GKAP1: variants seen among roughly 807,000 people sequenced by gnomAD.
The protein encoded by GKAP1 is G kinase anchoring protein 1.
GKAP1 carries 31 observed loss-of-function variants against 56.7 expected under a neutral mutation model. The ratio of observed to expected loss-of-function variants is 0.55; its 90% confidence interval spans 0.41 to 0.74. GKAP1 has a LOEUF of 0.74. Among genes scored for constraint, GKAP1 ranks in the 30% least tolerant of loss-of-function variants. GKAP1 has a pLI of 0.00. For synonymous variants in GKAP1, 151 were observed against 138.6 expected, an observed-to-expected ratio of 1.09 and a Z score of -0.63; for missense variants, 364 against 402.3, an observed-to-expected ratio of 0.90 and a Z score of 0.82.
intron 8 of GKAP1, among the ~76,000 whole-genome samples, chr9:83,759,963 A>AAGTTCCTCT (rs1398898508): frequency 6.6e-6 from 1 of 152,216 alleles, no homozygotes; most frequent in African/African-American, 2.4e-5. Flanking sequence ...TTTCAAATTT[A>AAGTTCCTCT]TATTACATTC....
intron 2 of GKAP1, among the ~76,000 whole-genome samples, chr9:83,808,182 G>A (rs1050618818): frequency 3.3e-5 from 5 of 152,152 alleles, no homozygotes; most frequent in Non-Finnish European, 7.3e-5. Context: ...TTTTCTACAA[G>A]CATGAGAACG....
At position 83,788,582 on chromosome 9, in the gene GKAP1, T is replaced by C. The variant is rs1564206084; in HGVS notation, c.438+19A>G. On this transcript the variant is annotated intron_variant, in intron 5 of 12. Transcript: ENST00000376371. The stretch of plus-strand genomic sequence containing the variant: ...CACTTAAACTTCTAAAATATCTAAA[T>C]CAGTAAGTATGTAAATACCTTTTTG... The C allele has an allele frequency of 3.0e-6, 4 of 1,355,722 alleles. No homozygotes were observed. Among genetic ancestry groups the C allele is most frequent in the Non-Finnish European group, 4.1e-6 (4 of 969,734 alleles). The allele number at this position is 1,355,722 out of a possible 1,614,324, so 84.0% of individuals were successfully genotyped here.
chr9:83,771,444 A>G (rs956605941), intron 7 of GKAP1, among the ~76,000 whole-genome samples: 5 of 152,212 alleles, frequency 3.3e-5, no homozygotes, highest in African/African-American at 1.2e-4. Context: ...CCAAGGTTCA[A>G]TAATTATTCA....
At chr9:83,811,389 C>T (rs1311345544) in intron 2 of GKAP1, among the ~76,000 whole-genome samples, 1 of 152,126 alleles carries the variant, frequency 6.6e-6, no homozygotes, top group Non-Finnish European at 1.5e-5. Context: ...ACCTATCTAC[C>T]AGAAACCCAA....
intron 2 of GKAP1, among the ~76,000 whole-genome samples, chr9:83,814,288 T>C (rs967613335): frequency 3.9e-5 from 6 of 152,202 alleles, no homozygotes; most frequent in African/African-American, 1.4e-4. Flanking sequence ...CAACTTGAAA[T>C]TTCTTGAACA....
chr9:83,816,735 T>G (rs1944607389), intron 2 of GKAP1, among the ~76,000 whole-genome samples: 1 of 152,234 alleles, frequency 6.6e-6, no homozygotes, highest in South Asian at 2.1e-4. Context: ...TCATTAGTTC[T>G]TCTAATGAAA....
chr9:83,770,562 C>T (rs547771788), intron 7 of GKAP1, among the ~76,000 whole-genome samples: 3 of 145,584 alleles, frequency 2.1e-5, no homozygotes, highest in South Asian at 4.4e-4. Context: ...GTTTACACTG[C>T]TTTTTTTTTT....
At chr9:83,785,128 T>G (rs1944042741) in intron 5 of GKAP1, among the ~76,000 whole-genome samples, 1 of 152,144 alleles carries the variant, frequency 6.6e-6, no homozygotes, top group Admixed American at 6.6e-5. Context: ...AATCAGCAAT[T>G]TCCTGCCTCA....
At chr9:83,786,408 G>A (rs1944064046) in intron 5 of GKAP1, among the ~76,000 whole-genome samples, 2 of 152,072 alleles carry the variant, frequency 1.3e-5, no homozygotes, top group African/African-American at 4.8e-5. Flanking sequence ...CAGGGTGGTG[G>A]CACATGCCTG....
At chr9:83,753,151 T>A (rs1029355826) in intron 9 of GKAP1, 107 bp downstream of exon 9, 1 of 640,838 alleles carries the variant, frequency 1.6e-6, no homozygotes, top group South Asian at 2.0e-5. Context: ...AAAAACAGAA[T>A]GACTATTCCC....
chr9:83,806,558 T>C lies in GKAP1; in HGVS notation c.-41A>G. 1 of 1,566,338 alleles carries C rather than the reference T, an allele frequency of 6.4e-7. No homozygotes were observed. Among genetic ancestry groups the C allele is most frequent in the African/African-American group, 1.4e-5 (1 of 73,562 alleles). ...TTTAAAATACTTCTGTCAAGAATAA[T>C]TTCTGTGGGGAGGCAGAAGAGTAGG... is the stretch of plus-strand genomic sequence containing the variant. On this transcript the variant is annotated splice_region_variant and 5_prime_UTR_variant, in exon 3 of 13. Transcript: ENST00000376371.
chr9:83,769,019 G>A (rs777817049), intron 7 of GKAP1, 49 bp from the exon 8 acceptor site: 10 of 1,442,644 alleles, frequency 6.9e-6, no homozygotes, highest in Non-Finnish European at 7.7e-6. Flanking sequence ...GCACTGATAT[G>A]CATTTAATAC....
intron 8 of GKAP1, among the ~76,000 whole-genome samples, chr9:83,755,799 C>CTTTTTTT (rs34145592): frequency 8.0e-6 from 1 of 124,442 alleles, no homozygotes; most frequent in Non-Finnish European, 1.7e-5. Flanking sequence ...CAAACTGGTA[C>CTTTTTTT]TTTTTTTTTT....
At chr9:83,786,816 G>T (rs898540499) in intron 5 of GKAP1, among the ~76,000 whole-genome samples, 1 of 152,018 alleles carries the variant, frequency 6.6e-6, no homozygotes, top group Non-Finnish European at 1.5e-5. Context: ...ACACTGGCTG[G>T]GAGTACGACA....
chr9:83,764,285 T>C (rs1412700858), intron 8 of GKAP1, among the ~76,000 whole-genome samples: 1 of 152,100 alleles, frequency 6.6e-6, no homozygotes, highest in African/African-American at 2.4e-5. Flanking sequence ...CTCCGGTTAG[T>C]GAGTGAGTTC....
chr9:83,778,944 T>A (rs1012757490), intron 7 of GKAP1, among the ~76,000 whole-genome samples: 63 of 152,128 alleles, frequency 4.1e-4, no homozygotes, highest in Non-Finnish European at 1.5e-4. Context: ...ACAACTCATC[T>A]TTAATATATT....
At chr9:83,750,468 T>C (rs949476755) in intron 9 of GKAP1, among the ~76,000 whole-genome samples, 8 of 152,306 alleles carry the variant, frequency 5.3e-5, no homozygotes, top group African/African-American at 1.9e-4. Flanking sequence ...TCTATACTTA[T>C]CCATTGTTTT....
At chr9:83,752,571 A>G (rs936019089) in intron 9 of GKAP1, among the ~76,000 whole-genome samples, 2 of 152,152 alleles carry the variant, frequency 1.3e-5, no homozygotes, top group African/African-American at 2.4e-5. Context: ...GAGAATGGGG[A>G]GTTCTTTGTG....
At chr9:83,798,404 T>C (rs1419988297) in intron 4 of GKAP1, among the ~76,000 whole-genome samples, 3 of 152,242 alleles carry the variant, frequency 2.0e-5, no homozygotes, top group Non-Finnish European at 1.5e-5. Flanking sequence ...TGGTTGTTAA[T>C]GACATTTAAT....
Sources: gnomAD v4.1 joint callset for allele counts (sites outside exome capture counted in the v4.1 genomes callset) on GRCh38, gnomAD v4.1.1 for gene constraint, MANE v1.5 for transcripts, NCBI Gene and HGNC (gene_info 2026-07-23, HGNC 2026-07-21) for gene names.